The following SULF2 variants were observed in gnomAD, a reference collection of about 807,000 sequenced individuals.
The protein encoded by SULF2 is extracellular sulfatase Sulf-2.
A neutral mutation model predicts 107.7 loss-of-function variants in SULF2; 52 were observed. The ratio of observed to expected loss-of-function variants is 0.48; its 90% CI spans 0.39 to 0.61. The LOEUF (loss-of-function observed/expected upper bound fraction) is 0.61. SULF2 is among the 20% of genes least tolerant of loss of function. The pLI is 0.00. For missense variants in SULF2, 993 were observed against 1,177.3 expected (o/e 0.84, Z 2.29); for synonymous variants, 460 against 464.3 (o/e 0.99, Z 0.12).
intron 1 of SULF2, among the ~76,000 whole-genome samples, chr20:47,776,837 C>T (rs1174156582): frequency 6.6e-6 from 1 of 152,212 alleles, no homozygotes; most frequent in African/African-American, 2.4e-5. Context: ...GAAACCAATC[C>T]TCCCAGCCAC....
intron 3 of SULF2, among the ~76,000 whole-genome samples, chr20:47,718,403 G>A (rs1218335673): frequency 6.6e-6 from 1 of 152,198 alleles, no homozygotes; most frequent in Admixed American, 6.5e-5. Flanking sequence ...GAGGACTCCT[G>A]TGTGGCTGGG....
rs112022946 is a variant in SULF2, at chr20:47,663,529, G to A, written c.2151C>T (p.Asn717=). Reference sequence around the variant, plus strand: ...TGAGGCCTGGCATGCTGCACGTGTCGTTGTTCTGCAGGCGCTTGAGCAGCT... The same window carrying A: ...TGAGGCCTGGCATGCTGCACGTGTCATTGTTCTGCAGGCGCTTGAGCAGCT... ...LRKLLKRLQN[N]DTCSMPGLTC... Residue 717 remains asparagine (N), a synonymous_variant, in exon 16 of 21, where the codon AAC becomes AAT. Transcript: ENST00000688720. The A allele has an allele frequency of 6.3e-5, 102 of 1,612,958 alleles. No individual in the cohort carries two copies. The highest frequency in any genetic ancestry group is 2.3e-4 in the African/African-American group (17 of 75,042).
chr20:47,763,879 C>A (rs977575348), intron 1 of SULF2, among the ~76,000 whole-genome samples: 8 of 152,298 alleles, frequency 5.3e-5, no homozygotes, highest in South Asian at 2.1e-4. Context: ...CTCCACTGAA[C>A]GGCCTTCAAT....
rs983698752 is a variant in SULF2, at chr20:47,666,137, C to T, written c.1805+123G>A. ...GCGGCTGAATAGTCGGGAAGGCCTC[C>T]AGTGCCACTGAAGTCCCCACCATCC... is the stretch of plus-strand genomic sequence containing the variant. On this transcript the variant is annotated intron_variant, in intron 12 of 20. Coordinates refer to ENST00000688720, the MANE Select transcript of SULF2 (RefSeq NM_001387048.1). The surrounding 1 kb of genome is among the most constrained non-coding windows in gnomAD (Gnocchi z 5.4). 8.1e-6 allele frequency: 13 copies of T among 1,611,612 alleles called. No homozygotes were observed. The highest frequency in any genetic ancestry group is 1.0e-5 in the Non-Finnish European group (12 of 1,179,510).
chr20:47,669,515 C>G (rs1041857419), intron 11 of SULF2, among the ~76,000 whole-genome samples: 9 of 152,196 alleles, frequency 5.9e-5, no homozygotes, highest in Admixed American at 5.9e-4. Context: ...GCCAAGTGTC[C>G]CCTGGGGGAC....
intron 2 of SULF2, among the ~76,000 whole-genome samples, chr20:47,742,634 G>A (rs2089911375): frequency 6.6e-6 from 1 of 152,096 alleles, no homozygotes; most frequent in Non-Finnish European, 1.5e-5. Flanking sequence ...GCTATGATTT[G>A]TTTGATATTT....
At chr20:47,705,804 CTT>C (rs34029135) in intron 3 of SULF2, among the ~76,000 whole-genome samples, 10 of 137,510 alleles carry the variant, frequency 7.3e-5, no homozygotes, top group Non-Finnish European at 9.4e-5. Flanking sequence ...CTTTTCTTTT[CTT>C]TTTTTTTTTT....
At chr20:47,766,373 G>T (rs909694738) in intron 1 of SULF2, among the ~76,000 whole-genome samples, 1 of 152,192 alleles carries the variant, frequency 6.6e-6, no homozygotes, top group Non-Finnish European at 1.5e-5. Context: ...ATTCCAAATG[G>T]AGGCAGAGAA....
intron 15 of SULF2, 58 bp from the exon 16 acceptor site, chr20:47,663,680 T>G (rs1442378198): frequency 1.3e-6 from 2 of 1,504,680 alleles, no homozygotes; most frequent in African/African-American, 2.8e-5. Context: ...TGACCCCATG[T>G]CTCTGCTCTT....
intron 4 of SULF2, among the ~76,000 whole-genome samples, chr20:47,699,451 C>G (rs1402609818): frequency 6.6e-6 from 1 of 151,734 alleles, no homozygotes; most frequent in Admixed American, 6.6e-5. Flanking sequence ...CAGGGGTACA[C>G]AGTAGGTGCT....
chr20:47,674,099 C>T (rs533549080), intron 10 of SULF2, among the ~76,000 whole-genome samples: 14 of 152,242 alleles, frequency 9.2e-5, no homozygotes, highest in Non-Finnish European at 1.8e-4. Flanking sequence ...TTACATTGTA[C>T]GTTTTCAGAG....
At chr20:47,706,299 G>A (rs888684884) in intron 3 of SULF2, among the ~76,000 whole-genome samples, 1 of 152,028 alleles carries the variant, frequency 6.6e-6, no homozygotes, top group Non-Finnish European at 1.5e-5. Flanking sequence ...CTCCACTTCT[G>A]TAACACTCCT....
At chr20:47,709,823 G>C (rs2088868159) in intron 3 of SULF2, among the ~76,000 whole-genome samples, 1 of 151,798 alleles carries the variant, frequency 6.6e-6, no homozygotes, top group Admixed American at 6.6e-5. Context: ...AGAGACAGAA[G>C]AGATAGAGAG....
At chr20:47,699,432 G>A (rs2088490501) in intron 4 of SULF2, among the ~76,000 whole-genome samples, 1 of 151,688 alleles carries the variant, frequency 6.6e-6, no homozygotes, top group East Asian at 2.0e-4. Flanking sequence ...GCACTACATA[G>A]TAGGTGCTCA....
At chr20:47,677,418 G>GTGTC (rs1384089754) in intron 8 of SULF2, among the ~76,000 whole-genome samples, 1 of 145,362 alleles carries the variant, frequency 6.9e-6, no homozygotes, top group Non-Finnish European at 1.5e-5. Context: ...GTGTGTGTGT[G>GTGTC]TGTGTGTGTG....
At chr20:47,734,174 C>A (rs75304947) in intron 3 of SULF2, among the ~76,000 whole-genome samples, 16,697 of 152,228 alleles carry the variant, frequency 0.11, 959 homozygotes, top group East Asian at 0.2. Context: ...GAGTCGGAGT[C>A]TCTGACCACT....
At chr20:47,672,145 C>T (rs1347031066) in intron 11 of SULF2, 53 bp downstream of exon 11, 1 of 1,542,266 alleles carries the variant, frequency 6.5e-7, no homozygotes, top group Admixed American at 1.8e-5. Flanking sequence ...AATGGGGCCC[C>T]CCAGGCATGG....
rs138191749 is a variant in SULF2 at position 47,678,551 on chromosome 20, C to T, written c.1193+125G>A. 608 of 1,055,492 alleles carry T rather than the reference C, an allele frequency of 5.8e-4. 9 individuals are homozygous for T. The East Asian group carries it at 0.014, about 25-fold the overall frequency. The allele number at this position is 1,055,492 out of a possible 1,614,324, so 65.4% of individuals were successfully genotyped here. A position where few individuals can be genotyped will look rare whatever the true frequency, so the allele number is the denominator to read the frequency against. ...CACAGCAGGTAAGTGGTTGGCATGGCGGGACCTGAGAACCCCAGCTCCCGA... is the reference window on the plus strand; with the variant it reads ...CACAGCAGGTAAGTGGTTGGCATGGTGGGACCTGAGAACCCCAGCTCCCGA... On this transcript the variant is annotated intron_variant, in intron 8 of 20. Coordinates refer to ENST00000688720, the MANE Select transcript of SULF2 (RefSeq NM_001387048.1). The surrounding 1 kb of genome is among the most constrained non-coding windows in gnomAD (Gnocchi z 4.5).
intron 17 of SULF2, 29 bp downstream of exon 17, chr20:47,663,041 C>T (rs1237322796): frequency 1.9e-6 from 3 of 1,613,700 alleles, no homozygotes; most frequent in East Asian, 2.2e-5. Flanking sequence ...ACCCCACACC[C>T]CCATCCCTCT....
Sources: allele counts gnomAD v4.1 joint callset (sites outside exome capture counted in the v4.1 genomes callset), GRCh38; gene constraint gnomAD v4.1.1; non-coding constraint Gnocchi (gnomAD v3.1); transcripts MANE v1.5; gene names NCBI Gene and HGNC (gene_info 2026-07-23, HGNC 2026-07-21).